Variants in NUDT12 observed in about 807,000 individuals in gnomAD.
NUDT12 encodes nudix hydrolase 12.
NUDT12 carries 42 observed loss-of-function variants against 45.7 expected under a neutral mutation model. The ratio of observed to expected loss-of-function variants is 0.92; its 90% CI spans 0.72 to 1.19. The LOEUF (loss-of-function observed/expected upper bound fraction) is 1.19. Ranked by LOEUF, NUDT12 falls within the 50% of genes most tolerant of loss-of-function variation. The probability of loss-of-function intolerance (pLI) is 0.00; values close to 1 mark genes in which losing one functional copy is unlikely to be tolerated. For synonymous variants in NUDT12, 206 were observed against 179.7 expected, an observed-to-expected ratio of 1.15 and a Z score of -1.17; for missense variants, 590 against 533.1, an observed-to-expected ratio of 1.11 and a Z score of -1.05.
intron 4 of NUDT12, 96 bp downstream of exon 4, chr5:103,555,835 A>C (rs1410091165): frequency 1.2e-6 from 1 of 853,268 alleles, no homozygotes; most frequent in African/African-American, 1.7e-5. Flanking sequence ...GTTTTCCATA[A>C]AAAGGAAAAC....
Position 103,556,012 on chromosome 5 carries a change from C to A in NUDT12, c.883G>T (p.Glu295Ter), listed in dbSNP as rs199570476. Residue 295 changes from glutamate (E) to a stop codon, truncating the protein, a stop_gained, in exon 4 of 7, where the codon GAA becomes TAA. Coordinates refer to ENST00000230792, the MANE Select transcript of NUDT12 (RefSeq NM_031438.4). LOFTEE classifies it high-confidence loss of function. ...AAACATAATCTCTTATAGCCACCTT[C>A]TTCAATTTTAGTTGCATTTCCACAG... ...PTCGNATKIE[E>*]GGYKRLCLKE... 6.2e-7 allele frequency: 1 copy of A among 1,611,956 alleles called. No homozygotes were observed. Among genetic ancestry groups the A allele is most frequent in the African/African-American group, 1.3e-5 (1 of 74,932 alleles).
chr5:103,552,472 T>A, intron 5 of NUDT12, 56 bp from the exon 6 acceptor site: 1 of 1,323,176 alleles, frequency 7.6e-7, no homozygotes, highest in Non-Finnish European at 1.1e-6. Flanking sequence ...GGACACTTTG[T>A]GTCCTGAATG....
intron 3 of NUDT12, among the ~76,000 whole-genome samples, chr5:103,556,795 T>C (rs1307185887): frequency 1.3e-5 from 2 of 152,106 alleles, no homozygotes; most frequent in Non-Finnish European, 2.9e-5. Context: ...CTAGAAATGC[T>C]ATATGTTAAA....
At position 103,556,063 on chromosome 5, in the gene NUDT12, G is replaced by C; in HGVS notation, c.832C>G (p.His278Asp). 6.2e-7 allele frequency: 1 copy of C among 1,611,532 alleles called. No homozygotes were observed. Among genetic ancestry groups the C allele is most frequent in the Middle Eastern group, 1.7e-4 (1 of 6,054 alleles). The change falls in exon 4 of 7, where the codon CAC (histidine) becomes GAC (aspartate). Residue 278 changes from histidine to aspartate, a missense_variant. Physicochemically the swap from His to Asp is moderately conservative, Grantham distance 81. Transcript: ENST00000230792. ...VAQARSVLAW[H>D]SRYKFCPTCG... Reference sequence around the variant, plus strand: ...GTTGGGCAAAACTTGTATCGACTGTGCCAGGCAAGAACAGATCTTGCTTGA... The same window carrying C: ...GTTGGGCAAAACTTGTATCGACTGTCCCAGGCAAGAACAGATCTTGCTTGA...
intron 1 of NUDT12, among the ~76,000 whole-genome samples, 159 bp downstream of exon 1, chr5:103,562,544 C>T (rs1580700812): frequency 6.6e-6 from 1 of 151,922 alleles, no homozygotes. Context: ...CAAATGCGTC[C>T]GTGGCTCCCG....
intron 4 of NUDT12, 96 bp downstream of exon 4, chr5:103,555,835 A>T (rs1410091165): frequency 1.2e-6 from 1 of 853,268 alleles, no homozygotes; most frequent in East Asian, 2.7e-5. Context: ...GTTTTCCATA[A>T]AAAGGAAAAC....
chr5:103,552,000 A>T (rs1562616597), intron 6 of NUDT12, among the ~76,000 whole-genome samples: 1 of 152,232 alleles, frequency 6.6e-6, no homozygotes, highest in Non-Finnish European at 1.5e-5. Flanking sequence ...GTACAGAATC[A>T]TCTCTACTAG....
At chr5:103,558,821 C>T (rs1332940641) in intron 3 of NUDT12, 58 bp downstream of exon 3, 4 of 1,220,228 alleles carry the variant, frequency 3.3e-6, no homozygotes, top group Non-Finnish European at 3.4e-6. Context: ...ATACATACAA[C>T]TCCAACTCAA....
At chr5:103,562,332 C>T (rs915476565) in intron 1 of NUDT12, among the ~76,000 whole-genome samples, 1 of 152,092 alleles carries the variant, frequency 6.6e-6, no homozygotes. Flanking sequence ...GCACTCAAGA[C>T]CAATTAAGTG....
chr5:103,560,160 C>T lies in NUDT12; in HGVS notation c.89G>A (p.Gly30Glu). The T allele has an allele frequency of 6.2e-7, 1 of 1,613,554 alleles. No homozygotes were observed. The highest frequency in any genetic ancestry group is 1.1e-5 in the South Asian group (1 of 91,060). Residue 30 changes from glycine to glutamate, a missense_variant, in exon 2 of 7, where the codon GGA becomes GAA. Transcript: ENST00000230792. ...AAGAGATGGAGAATGACTGAGTATT[C>T]CTGTTAACTTGGCAATATCTCCTTC... ...AAEGDIAKLT[G>E]ILSHSPSLLN...
Position 103,554,823 on chromosome 5 carries a change from G to A in NUDT12, c.995C>T (p.Pro332Leu). Residue 332 changes from proline to leucine, a missense_variant, in exon 5 of 7, where the codon CCA becomes CTA. Physicochemically the swap from Pro to Leu is moderately conservative, Grantham distance 98. Coordinates refer to ENST00000230792, the MANE Select transcript of NUDT12 (RefSeq NM_031438.4). ...DPVVIMQVIH[P>L]DGTKCLLGRQ... is the part of the protein sequence containing the mutation. ...GCCTAAAAGGCATTTGGTCCCATCT[G>A]GATGAATAACTTGCATGATTACTAC... 1 of 1,555,550 alleles carries A rather than the reference G, an allele frequency of 6.4e-7. No homozygotes were observed. Among genetic ancestry groups the A allele is most frequent in the Non-Finnish European group, 8.7e-7 (1 of 1,144,170 alleles).
chr5:103,551,049 C>G (rs2112443356), intron 6 of NUDT12, 78 bp from the exon 7 acceptor site: 1 of 990,250 alleles, frequency 1.0e-6, no homozygotes, highest in South Asian at 1.4e-5. Context: ...TTACATAATT[C>G]AATTAAAATG....
chr5:103,551,080 A>T, intron 6 of NUDT12, 109 bp from the exon 7 acceptor site: 1 of 763,744 alleles, frequency 1.3e-6, no homozygotes, highest in South Asian at 1.8e-5. Context: ...TACAGTGAAT[A>T]ACAACAGTAG....
At chr5:103,558,255 C>G (rs919905900) in intron 3 of NUDT12, among the ~76,000 whole-genome samples, 1 of 152,024 alleles carries the variant, frequency 6.6e-6, no homozygotes, top group Admixed American at 6.6e-5. Flanking sequence ...ACCTACAGAT[C>G]AAGCCCTATC....
intron 5 of NUDT12, 79 bp from the exon 6 acceptor site, chr5:103,552,495 G>A: frequency 9.4e-7 from 1 of 1,067,632 alleles, no homozygotes. Flanking sequence ...TCAAACATCT[G>A]GAAATCACTT....
Position 103,549,423 on chromosome 5 carries a change from T to C in NUDT12, c.*1438A>G, listed in dbSNP as rs1204541924. 3 of 151,978 alleles carry C rather than the reference T, an allele frequency of 2.0e-5. No individual in the cohort carries two copies. Among genetic ancestry groups the C allele is most frequent in the South Asian group, 2.1e-4 (1 of 4,826 alleles). 9.4% of individuals were successfully genotyped at this position (151,978 alleles called of 1,614,324 possible). A position where few individuals can be genotyped will look rare whatever the true frequency, so the allele number is the denominator to read the frequency against. On this transcript the variant is annotated 3_prime_UTR_variant, in exon 7 of 7. Transcript: ENST00000230792. The stretch of plus-strand genomic sequence containing the variant: ...TTAAATAAATGTTAAGTATCTAAAA[T>C]TTTAATTAACAATATTTGGTAAATT...
At chr5:103,555,344 A>C (rs1270084849) in intron 4 of NUDT12, among the ~76,000 whole-genome samples, 1 of 152,104 alleles carries the variant, frequency 6.6e-6, no homozygotes, top group Non-Finnish European at 1.5e-5. Context: ...TAATTCAGCA[A>C]ATTCTTCTCA....
At position 103,556,095 on chromosome 5, in the gene NUDT12, A is replaced by G. The variant is rs1452188090; in HGVS notation, c.800T>C (p.Val267Ala). Residue 267 changes from valine (V) to alanine (A), a missense_variant, in exon 4 of 7, where the codon GTT becomes GCT. Val to Ala is a moderately conservative substitution (Grantham distance 64). Transcript: ENST00000230792. ...LLQLKEKEAG[V>A]VAQARSVLAW... ...AAGAACAGATCTTGCTTGAGCTACA[A>G]CCCCTTCAAAAAAAAGAAAAGCACA... 6.4e-7 allele frequency: 1 copy of G among 1,564,750 alleles called. No homozygotes were observed. Among genetic ancestry groups the G allele is most frequent in the Non-Finnish European group, 8.6e-7 (1 of 1,162,240 alleles).
chr5:103,556,178 A>C, intron 3 of NUDT12, 80 bp from the exon 4 acceptor site: 1 of 1,015,078 alleles, frequency 9.9e-7, no homozygotes, highest in Non-Finnish European at 1.3e-6. Context: ...TTCTCAAGCT[A>C]CAATAAGAAT....
Sources: allele counts gnomAD v4.1 joint callset (sites outside exome capture counted in the v4.1 genomes callset), GRCh38; gene constraint gnomAD v4.1.1; transcripts MANE v1.5; gene names NCBI Gene and HGNC (gene_info 2026-07-23, HGNC 2026-07-21).